The following RIOX2 variants were observed in gnomAD, a reference collection of about 807,000 sequenced individuals.
The protein encoded by RIOX2 is 60S ribosomal protein L27a histidine hydroxylase.
Under a neutral mutation model 51.2 loss-of-function variants are expected in RIOX2, and 43 were observed. The observed-to-expected ratio is 0.84, with a 90% confidence interval of 0.66 to 1.08. The LOEUF is 1.08. Ranked by LOEUF, RIOX2 falls within the 50% of genes least tolerant of loss-of-function variation. The probability of loss-of-function intolerance (pLI) is 0.00; values close to 1 mark genes in which losing one functional copy is unlikely to be tolerated. For synonymous variants in RIOX2, 226 were observed against 218.5 expected (o/e 1.03, Z -0.30); for missense variants, 566 against 561.7 (o/e 1.01, Z -0.08).
chr3:97,943,272 G>A lies in RIOX2; in HGVS notation c.*1912C>T. On this transcript the variant is annotated 3_prime_UTR_variant, in exon 10 of 10. Coordinates refer to ENST00000394198, the MANE Select transcript of RIOX2 (RefSeq NM_153182.4). ...CTCATGTAATTGTAAATCAGCCCCT[G>A]GAGGGAGAAGAAACACAGAAATGGG... The A allele has an allele frequency of 1.3e-6, 2 of 1,593,764 alleles. No homozygotes were observed. Among genetic ancestry groups the A allele is most frequent in the Middle Eastern group, 1.7e-4 (1 of 6,010 alleles).
At chr3:97,947,278 A>C in intron 8 of RIOX2, 83 bp downstream of exon 8, 4 of 1,013,242 alleles carry the variant, frequency 3.9e-6, no homozygotes, top group Non-Finnish European at 4.7e-6. Flanking sequence ...AAGGGCAGAG[A>C]CCAGTGGTTA....
At chr3:97,956,792 G>A (rs941900924) in intron 4 of RIOX2, among the ~76,000 whole-genome samples, 1 of 152,134 alleles carries the variant, frequency 6.6e-6, no homozygotes, top group Non-Finnish European at 1.5e-5. Context: ...ACCGCACCCC[G>A]CCTAAAGATT....
chr3:97,947,385 T>A lies in RIOX2; in HGVS notation c.1125A>T (p.Thr375=). The change falls in exon 8 of 10, where the codon ACA becomes ACT. Residue 375 remains threonine, a synonymous_variant. Transcript: ENST00000394198. The part of the protein sequence containing the change: ...RLQFKDHIVL[T]VLPDQDQSDE... ...CAGATTGATCTTGATCCGGCAGTAC[T>A]GTGAGGACAATGTGGTCTTTAAACT... 1 of 1,613,416 alleles carries A rather than the reference T, an allele frequency of 6.2e-7. No homozygotes were observed. Among genetic ancestry groups the A allele is most frequent in the Non-Finnish European group, 8.5e-7 (1 of 1,179,454 alleles).
chr3:97,947,495 A>G (rs1278157908), intron 7 of RIOX2, 46 bp from the exon 8 acceptor site: 1 of 1,492,722 alleles, frequency 6.7e-7, no homozygotes, highest in Non-Finnish European at 9.3e-7. Context: ...AAAAGGAAAC[A>G]GGCAGATTCA....
chr3:97,956,386 C>T (rs1048103273), intron 4 of RIOX2, among the ~76,000 whole-genome samples: 2 of 152,146 alleles, frequency 1.3e-5, no homozygotes, highest in Non-Finnish European at 1.5e-5. Flanking sequence ...GTCTCCTGAC[C>T]TTCAGAAGCA....
At position 97,955,517 on chromosome 3, in the gene RIOX2, TA is replaced by T. The variant is rs906196531; in HGVS notation, c.682-1023del. Among the ~76,000 whole-genome samples the T allele has an allele frequency of 2.4e-4, 35 of 147,386 alleles. 1 individual carries two copies. The highest frequency in any genetic ancestry group is 7.9e-4 in the East Asian group (4 of 5,046). On this transcript the variant is annotated intron_variant, in intron 4 of 9. Transcript: ENST00000394198. The stretch of plus-strand genomic sequence containing the variant: ...AGAAAGAGCTCAAGAAATGCCAGCT[TA>T]AAAAAAAAAATTAAGATTCTCCTCA...
chr3:97,952,740 T>C (rs948815097), intron 5 of RIOX2, among the ~76,000 whole-genome samples: 1 of 152,196 alleles, frequency 6.6e-6, no homozygotes, highest in East Asian at 1.9e-4. Flanking sequence ...CCAGCCTCTC[T>C]GTAGCCTGGA....
intron 1 of RIOX2, 49 bp downstream of exon 1, chr3:97,972,332 T>C (rs1706167974): frequency 6.6e-6 from 1 of 151,780 alleles, no homozygotes; most frequent in African/African-American, 2.4e-5. Flanking sequence ...GATCGGGCAC[T>C]ACCCGGCCTG....
rs1031063514 is a variant in RIOX2, at chr3:97,952,991, G to A, written c.785+1401C>T. Among the ~76,000 whole-genome samples, 2 of 152,142 alleles carry A rather than the reference G, an allele frequency of 1.3e-5. 1 individual carries two copies. Among genetic ancestry groups the A allele is most frequent in the Admixed American group, 1.3e-4 (2 of 15,278 alleles). On this transcript the variant is annotated intron_variant, in intron 5 of 9. Transcript: ENST00000394198. ...GTAGAGGTGAAATTCACACTGAAAA[G>A]TCTGATGAGGAAGCAGAGGTATGCT...
At chr3:97,949,475 C>T (rs1705155146) in intron 7 of RIOX2, among the ~76,000 whole-genome samples, 1 of 152,078 alleles carries the variant, frequency 6.6e-6, no homozygotes, top group African/African-American at 2.4e-5. Flanking sequence ...TTAAGCAACA[C>T]AAATAAAGAC....
At chr3:97,952,348 T>G in intron 5 of RIOX2, 9 of 669,476 alleles carry the variant, frequency 1.3e-5, no homozygotes, top group Non-Finnish European at 2.1e-5. Context: ...TAGGAAGCTC[T>G]TCCCAGCCCC....
chr3:97,958,923 GA>G (rs1705556459), intron 4 of RIOX2, 127 bp downstream of exon 4: 1 of 1,072,574 alleles, frequency 9.3e-7, no homozygotes, highest in Non-Finnish European at 1.3e-6. Flanking sequence ...ACCCTGCCCT[GA>G]AACCCAGGGA....
At position 97,950,778 on chromosome 3, in the gene RIOX2, C is replaced by T; in HGVS notation, c.888+8G>A. 1 of 1,612,302 alleles carries T rather than the reference C, an allele frequency of 6.2e-7. No individual in the cohort carries two copies. Among genetic ancestry groups the T allele is most frequent in the South Asian group, 1.1e-5 (1 of 91,008 alleles). ...CATCCTTCATTCCTACCTGCCTTTA[C>T]TCCTTACCAGGAGCAGCTGCCGGGG... is the stretch of plus-strand genomic sequence containing the variant. On this transcript the variant is annotated splice_region_variant and intron_variant, in intron 6 of 9. Transcript: ENST00000394198.
chr3:97,971,461 C>T (rs1185942678), intron 1 of RIOX2: 3 of 152,206 alleles, frequency 2.0e-5, no homozygotes, highest in Non-Finnish European at 4.4e-5. Context: ...CCAGACTGAT[C>T]TAAAACATTT....
intron 7 of RIOX2, among the ~76,000 whole-genome samples, chr3:97,948,035 G>A (rs1304822632): frequency 1.3e-5 from 2 of 152,150 alleles, no homozygotes; most frequent in East Asian, 3.9e-4. Flanking sequence ...GGTCATCTGC[G>A]TGGGGAAGGA....
chr3:97,945,975 CA>C (rs1455689184), intron 8 of RIOX2, 88 bp from the exon 9 acceptor site: 141 of 881,864 alleles, frequency 1.6e-4, no homozygotes, highest in Middle Eastern at 2.2e-4. Flanking sequence ...AGGTCAACAC[CA>C]AAAAAAATTT....
intron 2 of RIOX2, among the ~76,000 whole-genome samples, chr3:97,963,383 C>A (rs832083): frequency 0.056 from 8,589 of 152,274 alleles, 345 homozygotes; most frequent in Non-Finnish European, 0.083. Context: ...CTGCTCTGAC[C>A]TCCCAAAGTG....
chr3:97,948,330 G>A (rs2040408676), intron 7 of RIOX2, among the ~76,000 whole-genome samples: 1 of 152,084 alleles, frequency 6.6e-6, no homozygotes, highest in African/African-American at 2.4e-5. Context: ...ATTAAAGTTA[G>A]TAAAAAATAC....
chr3:97,968,865 C>T (rs1185817154), intron 1 of RIOX2, among the ~76,000 whole-genome samples: 2 of 152,148 alleles, frequency 1.3e-5, no homozygotes, highest in African/African-American at 2.4e-5. Context: ...GGTATAGTTT[C>T]CTACTTTGGT....
Sources: allele counts gnomAD v4.1 joint callset (sites outside exome capture counted in the v4.1 genomes callset), GRCh38; gene constraint gnomAD v4.1.1; transcripts MANE v1.5; gene names NCBI Gene and HGNC (gene_info 2026-07-23, HGNC 2026-07-21).